The following CIITA variants were observed in gnomAD, a reference collection of about 807,000 sequenced individuals.
CIITA encodes class II major histocompatibility complex transactivator.
A neutral mutation model predicts 115.1 loss-of-function variants in CIITA; 72 were observed. The ratio of observed to expected loss-of-function variants is 0.63; its 90% CI spans 0.52 to 0.76. The LOEUF is 0.76. Ranked by LOEUF, CIITA falls within the 30% of genes least tolerant of loss-of-function variation. The pLI is 0.00. For missense variants in CIITA, 1,617 were observed against 1,463.8 expected (o/e 1.10, Z -1.71); for synonymous variants, 763 against 635.6 (o/e 1.20, Z -3.02).
intron 1 of CIITA, chr16:10,866,417 C>G: frequency 1.8e-6 from 1 of 566,310 alleles, no homozygotes; most frequent in Non-Finnish European, 3.5e-6. Context: ...TACCACTGCA[C>G]TCTGCTCCAT....
chr16:10,902,897 C>CTAGGGCACCACTG, intron 8 of CIITA, 96 bp downstream of exon 8: 1 of 1,423,700 alleles, frequency 7.0e-7, no homozygotes, highest in Non-Finnish European at 9.8e-7. Flanking sequence ...GGCAGTGGTG[C>CTAGGGCACCACTG]CCTAGCACCT....
chr16:10,921,611 T>C (rs1438259538), intron 16 of CIITA, among the ~76,000 whole-genome samples: 1 of 152,192 alleles, frequency 6.6e-6, no homozygotes, highest in Non-Finnish European at 1.5e-5. Context: ...AAGAGTTGAG[T>C]AGCTTGCCCA....
intron 13 of CIITA, among the ~76,000 whole-genome samples, chr16:10,910,553 A>T (rs919728069): frequency 6.6e-6 from 1 of 152,220 alleles, no homozygotes; most frequent in Admixed American, 6.5e-5. Flanking sequence ...ATGAGCTGAC[A>T]GTCTAATCAA....
At chr16:10,869,610 C>T (rs1811323758) in intron 1 of CIITA, among the ~76,000 whole-genome samples, 1 of 151,964 alleles carries the variant, frequency 6.6e-6, no homozygotes. Context: ...TTCCATCTCC[C>T]AGGTTCATGC....
rs1048448247 is a variant in CIITA, at chr16:10,923,445, G to A, written c.*22+120G>A. 3.6e-5 allele frequency: 27 copies of A among 755,602 alleles called. No individual in the cohort carries two copies. In the Admixed American group the frequency reaches 3.9e-4, roughly 11 times the overall value. 46.8% of individuals were successfully genotyped at this position (755,602 alleles called of 1,614,324 possible). On this transcript the variant is annotated intron_variant, in intron 19 of 19. Coordinates refer to ENST00000324288, the MANE Select transcript of CIITA (RefSeq NM_000246.4). This position sits in a 1 kb window ranked among gnomAD's most constrained non-coding sequence, Gnocchi z 5.2. ...TGGGGCTAGGCCACCACCCTTGGAC[G>A]CATGCGTCATCAGAGACATCCCCTC...
At position 10,922,505 on chromosome 16, in the gene CIITA, C is replaced by G; in HGVS notation, c.3317+15C>G. ...GAGACGCTGGCGTAAGTCCAGGCAA[C>G]CCTGGTGGGTGGAGAACAACTCACT... On this transcript the variant is annotated intron_variant, in intron 18 of 19. Transcript: ENST00000324288. 1 of 1,613,592 alleles carries G rather than the reference C, an allele frequency of 6.2e-7. No homozygotes were observed. The highest frequency in any genetic ancestry group is 8.5e-7 in the Non-Finnish European group (1 of 1,179,598).
At chr16:10,880,029 C>G (rs1357213396) in intron 1 of CIITA, among the ~76,000 whole-genome samples, 1 of 152,222 alleles carries the variant, frequency 6.6e-6, no homozygotes, top group African/African-American at 2.4e-5. Flanking sequence ...TAAATAAATA[C>G]TTCTCCGGAG....
chr16:10,899,478 T>C (rs1181982184), intron 5 of CIITA, among the ~76,000 whole-genome samples: 1 of 152,236 alleles, frequency 6.6e-6, no homozygotes, highest in Non-Finnish European at 1.5e-5. Flanking sequence ...TATTCTCACC[T>C]TGTGTGTCTT....
In CIITA at chr16:10,877,368, T is replaced by C. The variant is rs753169767; in HGVS notation, c.38T>C (p.Leu13Pro). The C allele has an allele frequency of 2.7e-5, 43 of 1,613,142 alleles. No homozygotes were observed. The highest frequency in any genetic ancestry group is 3.6e-5 in the Non-Finnish European group (42 of 1,179,578). Residue 13 changes from leucine to proline, a missense_variant, in exon 1 of 20, where the codon CTG becomes CCG. Coordinates refer to ENST00000324288, the MANE Select transcript of CIITA (RefSeq NM_000246.4). Reference sequence around the variant, plus strand: ...GCTCCACGCCCTGCTGGGTCCTACCTGTCAGAGCCCCAAGGTAAAAAGGCC... The same window carrying C: ...GCTCCACGCCCTGCTGGGTCCTACCCGTCAGAGCCCCAAGGTAAAAAGGCC... ...CLAPRPAGSY[L>P]SEPQGSSQCA...
intron 1 of CIITA, among the ~76,000 whole-genome samples, chr16:10,881,040 G>A (rs758248885): frequency 4.6e-5 from 7 of 152,180 alleles, no homozygotes; most frequent in African/African-American, 7.2e-5. Context: ...TTGGGAGGCC[G>A]AGGCGGGTGG....
chr16:10,910,143 G>T (rs1423046602), intron 12 of CIITA, 45 bp from the exon 13 acceptor site: 1 of 1,560,714 alleles, frequency 6.4e-7, no homozygotes, highest in Non-Finnish European at 8.8e-7. Flanking sequence ...TAAGGGCTCA[G>T]TGACAGCAGT....
At chr16:10,921,161 C>T (rs1197041203) in intron 16 of CIITA, among the ~76,000 whole-genome samples, 1 of 152,240 alleles carries the variant, frequency 6.6e-6, no homozygotes, top group Non-Finnish European at 1.5e-5. Flanking sequence ...GCCACTGCAC[C>T]TGCTGCTTTT....
At chr16:10,897,007 AAGGATTTGGGCATGTCAT>A (rs1332303639) in intron 3 of CIITA, among the ~76,000 whole-genome samples, 2 of 152,200 alleles carry the variant, frequency 1.3e-5, no homozygotes, top group Non-Finnish European at 2.9e-5. Context: ...GGCAGTCATT[AAGGATTTGGGCATGTCAT>A]AGGATTTGGG....
rs925370188 is a variant in CIITA, at chr16:10,931,692, AC to A, written c.*7838del. 2.5e-4 allele frequency: 38 copies of A among 152,380 alleles called. No individual in the cohort carries two copies. The highest frequency in any genetic ancestry group is 2.4e-3 in the Admixed American group (36 of 15,306). 9.4% of individuals were successfully genotyped at this position (152,380 alleles called of 1,614,324 possible). On this transcript the variant is annotated 3_prime_UTR_variant, in exon 20 of 20. Coordinates refer to ENST00000324288, the MANE Select transcript of CIITA (RefSeq NM_000246.4). ...AATGAGGTCAAGACTAGCCTGGCCA[AC>A]ATGGCGAAACCGCGTCTCTACTAAA... is the stretch of plus-strand genomic sequence containing the variant.
At chr16:10,897,996 C>T (rs2038308057) in intron 3 of CIITA, among the ~76,000 whole-genome samples, 1 of 152,162 alleles carries the variant, frequency 6.6e-6, no homozygotes, top group African/African-American at 2.4e-5. Flanking sequence ...CTCACTCTGC[C>T]ACTGTGACCC....
At chr16:10,922,549 G>A (rs142510943) in intron 18 of CIITA, 59 bp downstream of exon 18, 4 of 1,559,548 alleles carry the variant, frequency 2.6e-6, no homozygotes, top group East Asian at 2.3e-5. Flanking sequence ...GTGTGGCCCA[G>A]TGTGACCCCG....
chr16:10,936,952 G>C (rs1346195216), downstream of CIITA: 1 of 152,242 alleles, frequency 6.6e-6, no homozygotes, highest in African/African-American at 2.4e-5. Context: ...TATCCAAATT[G>C]AGAGAAGCCC....
In CIITA at chr16:10,923,388, G is replaced by C. The variant is rs2040380071; in HGVS notation, c.*22+63G>C. ...GGTTGGGGGCAGTGTCCTTGTGAAG[G>C]TGGCATTCAAAAAATGTGGGCGGGA... On this transcript the variant is annotated intron_variant, in intron 19 of 19. Coordinates refer to ENST00000324288, the MANE Select transcript of CIITA (RefSeq NM_000246.4). The surrounding 1 kb of genome is among the most constrained non-coding windows in gnomAD (Gnocchi z 5.2). The C allele has an allele frequency of 1.5e-6, 2 of 1,348,316 alleles. No homozygotes were observed. The highest frequency in any genetic ancestry group is 1.4e-5 in the African/African-American group (1 of 69,652). 83.5% of individuals were successfully genotyped at this position (1,348,316 alleles called of 1,614,324 possible). A position where few individuals can be genotyped will look rare whatever the true frequency, so the allele number is the denominator to read the frequency against.
Position 10,923,340 on chromosome 16 carries a change from C to G in CIITA, c.*22+15C>G. The G allele has an allele frequency of 2.6e-4, 194 of 737,268 alleles. No homozygotes were observed. The highest frequency in any genetic ancestry group is 3.5e-4 in the Non-Finnish European group (148 of 422,886). 45.7% of individuals were successfully genotyped at this position (737,268 alleles called of 1,614,324 possible). On this transcript the variant is annotated intron_variant, in intron 19 of 19. Transcript: ENST00000324288. This position sits in a 1 kb window ranked among gnomAD's most constrained non-coding sequence, Gnocchi z 5.2. Reference sequence around the variant, plus strand: ...CTCTGGACAGGGTAACCAGGGTGGGCTTGGGAGGGGAGAGCCGCAGTGGGT... The same window carrying G: ...CTCTGGACAGGGTAACCAGGGTGGGGTTGGGAGGGGAGAGCCGCAGTGGGT...
Sources: gnomAD v4.1 joint callset for allele counts (sites outside exome capture counted in the v4.1 genomes callset) on GRCh38, gnomAD v4.1.1 for gene constraint, Gnocchi (gnomAD v3.1) non-coding constraint, MANE v1.5 for transcripts, NCBI Gene and HGNC (gene_info 2026-07-23, HGNC 2026-07-21) for gene names.